The following COL25A1 variants were observed in gnomAD, a reference collection of about 807,000 sequenced individuals.
The protein encoded by COL25A1 is collagen alpha-1(XXV) chain.
Under a neutral mutation model 128.4 loss-of-function variants are expected in COL25A1, and 103 were observed. The observed-to-expected ratio is 0.80, with a 90% confidence interval of 0.68 to 0.94. The LOEUF is 0.94. COL25A1 is among the 40% of genes least tolerant of loss of function. The pLI is 0.00. For missense variants in COL25A1, 745 were observed against 840.0 expected (o/e 0.89, Z 1.40); for synonymous variants, 279 against 277.2 (o/e 1.01, Z -0.06).
chr4:109,199,266 A>G lies in COL25A1; in HGVS notation c.367+101317T>C, dbSNP rs1013472725. Among the ~76,000 whole-genome samples, 20 of 152,346 alleles carry G rather than the reference A, an allele frequency of 1.3e-4. No homozygotes were observed. The South Asian group carries it at 3.9e-3, about 30-fold the overall frequency. On this transcript the variant is annotated intron_variant, in intron 3 of 37. Coordinates refer to ENST00000399132, the MANE Select transcript of COL25A1 (RefSeq NM_198721.4). ...TCTAATAGATCCCTGTCATGTCTTTATCACCACGATGTGTACTTCTGGTAC... is the reference window on the plus strand; with the variant it reads ...TCTAATAGATCCCTGTCATGTCTTTGTCACCACGATGTGTACTTCTGGTAC...
chr4:109,159,573 G>A (rs1182575027), intron 3 of COL25A1, among the ~76,000 whole-genome samples: 1 of 152,116 alleles, frequency 6.6e-6, no homozygotes, highest in Non-Finnish European at 1.5e-5. Flanking sequence ...ATGGCCAGGA[G>A]TTGAGTAATT....
rs536937041 is a variant in COL25A1 at position 109,282,511 on chromosome 4, G to GA, written c.367+18071dup. Among the ~76,000 whole-genome samples, 542 of 152,280 alleles carry GA rather than the reference G, an allele frequency of 3.6e-3. 1 individual carries two copies. The highest frequency in any genetic ancestry group is 8.0e-3 in the Admixed American group (123 of 15,290). The stretch of plus-strand genomic sequence containing the variant: ...AACATCACTGATTTGTGGCACAGTG[G>GA]AAAAATGAACTGAGATTTTGGTAGG... On this transcript the variant is annotated intron_variant, in intron 3 of 37. Transcript: ENST00000399132.
At chr4:108,848,535 T>C (rs773879902) in intron 27 of COL25A1, among the ~76,000 whole-genome samples, 2 of 152,178 alleles carry the variant, frequency 1.3e-5, no homozygotes, top group Non-Finnish European at 2.9e-5. Context: ...ACTGGTAGGT[T>C]GATATAAAGT....
In COL25A1 at chr4:108,896,703, A is replaced by C; in HGVS notation, c.870T>G (p.Ala290=). The change falls in exon 16 of 38, where the codon GCT becomes GCG. Residue 290 remains alanine, a synonymous_variant. Transcript: ENST00000399132. ...TGTCACCCTTGGGGCCGTTCTCTCC[A>C]GCGTCTCCCTGAGGAGGTGAGAAAG... ...EPGEQGEKGD[A]GENGPKGDTG... 1.2e-6 allele frequency: 2 copies of C among 1,613,986 alleles called. No homozygotes were observed. The highest frequency in any genetic ancestry group is 1.7e-6 in the Non-Finnish European group (2 of 1,179,910).
chr4:109,015,230 CTTGA>C (rs1314560238), intron 5 of COL25A1, among the ~76,000 whole-genome samples: 7 of 152,302 alleles, frequency 4.6e-5, no homozygotes, highest in Admixed American at 2.6e-4. Flanking sequence ...TTCTGAGTAG[CTTGA>C]TTAATACAAA....
chr4:108,967,623 T>C (rs1751460603), intron 8 of COL25A1, among the ~76,000 whole-genome samples: 1 of 152,198 alleles, frequency 6.6e-6, no homozygotes, highest in Non-Finnish European at 1.5e-5. Flanking sequence ...TGGATAATCA[T>C]TTTACTCAAC....
At chr4:108,854,838 T>C (rs1396558052) in intron 24 of COL25A1, among the ~76,000 whole-genome samples, 2 of 152,166 alleles carry the variant, frequency 1.3e-5, no homozygotes, top group Non-Finnish European at 2.9e-5. Context: ...GCAATACCAT[T>C]TGACCCAGCA....
intron 3 of COL25A1, among the ~76,000 whole-genome samples, chr4:109,092,490 C>G (rs959127328): frequency 2.8e-4 from 43 of 152,072 alleles, no homozygotes; most frequent in African/African-American, 9.9e-4. Flanking sequence ...TGCACACATG[C>G]GTGCACACAC....
chr4:108,890,101 G>A (rs1741302850), intron 16 of COL25A1, among the ~76,000 whole-genome samples: 1 of 152,198 alleles, frequency 6.6e-6, no homozygotes, highest in Non-Finnish European at 1.5e-5. Flanking sequence ...TTAGGGGTAT[G>A]GAACTTTTGG....
intron 3 of COL25A1, among the ~76,000 whole-genome samples, chr4:109,281,577 T>G (rs1723395620): frequency 6.6e-6 from 1 of 152,162 alleles, no homozygotes; most frequent in Admixed American, 6.5e-5. Flanking sequence ...AATGTTTAGG[T>G]GATCAGACAG....
chr4:109,198,975 A>G (rs1776338483), intron 3 of COL25A1, among the ~76,000 whole-genome samples: 1 of 152,192 alleles, frequency 6.6e-6, no homozygotes, highest in Non-Finnish European at 1.5e-5. Context: ...CTATTGGGAT[A>G]GCAGGGAATA....
intron 31 of COL25A1, 123 bp downstream of exon 31, chr4:108,841,572 A>G: frequency 1.3e-6 from 1 of 772,760 alleles, no homozygotes; most frequent in Middle Eastern, 2.5e-4. Flanking sequence ...GGATGCTTAA[A>G]GGCTCAAAGA....
chr4:108,957,969 GA>G (rs989054402), intron 8 of COL25A1, among the ~76,000 whole-genome samples: 3 of 151,604 alleles, frequency 2.0e-5, no homozygotes, highest in African/African-American at 7.3e-5. Flanking sequence ...AACACTATAA[GA>G]AAAAAAATTC....
intron 3 of COL25A1, among the ~76,000 whole-genome samples, chr4:109,071,567 T>G (rs12650158): frequency 1.3e-5 from 2 of 151,926 alleles, no homozygotes; most frequent in Non-Finnish European, 2.9e-5. Flanking sequence ...GGGCTTATAT[T>G]CAGAATCTAC....
chr4:109,111,526 T>G (rs1016542496), intron 3 of COL25A1, among the ~76,000 whole-genome samples: 4 of 152,184 alleles, frequency 2.6e-5, no homozygotes, highest in Non-Finnish European at 5.9e-5. Context: ...GCATTCGGAA[T>G]CCTTCCTCTG....
At chr4:108,865,383 A>C (rs1447394516) in intron 20 of COL25A1, among the ~76,000 whole-genome samples, 1 of 152,192 alleles carries the variant, frequency 6.6e-6, no homozygotes, top group African/African-American at 2.4e-5. Flanking sequence ...AGGTTAGTCA[A>C]GGGTTAAGAA....
At chr4:109,028,060 T>C (rs929099819) in intron 5 of COL25A1, among the ~76,000 whole-genome samples, 4 of 152,102 alleles carry the variant, frequency 2.6e-5, no homozygotes, top group African/African-American at 9.7e-5. Context: ...AATGAGGCAA[T>C]GTAAATAAGG....
At chr4:108,999,664 C>T (rs541265620) in intron 6 of COL25A1, among the ~76,000 whole-genome samples, 2 of 152,282 alleles carry the variant, frequency 1.3e-5, no homozygotes, top group South Asian at 4.1e-4. Context: ...GACACATGCA[C>T]ACGTATGTTT....
chr4:109,206,128 C>T (rs565310815), intron 3 of COL25A1, among the ~76,000 whole-genome samples: 7 of 152,244 alleles, frequency 4.6e-5, no homozygotes, highest in East Asian at 3.9e-4. Context: ...CAGCAACTTA[C>T]GGCTTTTCTC....
Sources: gnomAD v4.1 joint callset for allele counts (sites outside exome capture counted in the v4.1 genomes callset) on GRCh38, gnomAD v4.1.1 for gene constraint, MANE v1.5 for transcripts, NCBI Gene and HGNC (gene_info 2026-07-23, HGNC 2026-07-21) for gene names.